SNX29: variants seen among roughly 807,000 people sequenced by gnomAD.
SNX29 encodes the protein sorting nexin-29.
A neutral mutation model predicts 102.1 loss-of-function variants in SNX29; 78 were observed. The observed-to-expected ratio is 0.76, with a 90% CI of 0.64 to 0.92. SNX29 has a LOEUF of 0.92. Among genes scored for constraint, SNX29 ranks in the 40% least tolerant of loss-of-function variants. The pLI is 0.00. For synonymous variants in SNX29, 580 were observed against 414.5 expected, an observed-to-expected ratio of 1.40 and a Z score of -4.85; for missense variants, 1,280 against 1,061.7, an observed-to-expected ratio of 1.21 and a Z score of -2.86.
At chr16:12,414,368 A>G (rs80145199) in intron 18 of SNX29, among the ~76,000 whole-genome samples, 3,107 of 152,266 alleles carry the variant, frequency 0.02, 112 homozygotes, top group African/African-American at 0.071. Flanking sequence ...CAAGACCTCA[A>G]CTCTAAAAGT....
chr16:12,327,435 G>C (rs1183910136), intron 15 of SNX29, among the ~76,000 whole-genome samples: 1 of 151,972 alleles, frequency 6.6e-6, no homozygotes, highest in Non-Finnish European at 1.5e-5. Flanking sequence ...TGTCGGCAGG[G>C]TTGTTTTCTG....
intron 19 of SNX29, among the ~76,000 whole-genome samples, chr16:12,517,031 C>G (rs998416711): frequency 1.3e-5 from 2 of 152,170 alleles, no homozygotes; most frequent in Non-Finnish European, 2.9e-5. Context: ...AAAATTGTCT[C>G]GAGTGTTCTT....
chr16:12,557,015 A>ACACCG (rs66825746), intron 20 of SNX29, among the ~76,000 whole-genome samples: 1 of 31,812 alleles, frequency 3.1e-5, no homozygotes, highest in South Asian at 1.1e-3. Context: ...TGGCTAATTT[A>ACACCG]CCCCCCCCCC....
chr16:12,540,906 A>G (rs774010532), intron 20 of SNX29, among the ~76,000 whole-genome samples: 1 of 152,178 alleles, frequency 6.6e-6, no homozygotes, highest in African/African-American at 2.4e-5. Context: ...GGCTTCTCTG[A>G]CAGCCCTGTC....
chr16:12,510,108 T>C (rs1240229463), intron 19 of SNX29, among the ~76,000 whole-genome samples: 2 of 152,244 alleles, frequency 1.3e-5, no homozygotes, highest in African/African-American at 2.4e-5. Context: ...ATTCTGTTTT[T>C]GGAGTGTGCA....
intron 18 of SNX29, among the ~76,000 whole-genome samples, chr16:12,433,211 C>T (rs969800246): frequency 6.6e-6 from 1 of 152,168 alleles, no homozygotes; most frequent in Non-Finnish European, 1.5e-5. Context: ...GCTTTTGTCA[C>T]CTTGAAAACA....
intron 16 of SNX29, chr16:12,374,233 A>C (rs1191334874): frequency 6.6e-6 from 1 of 152,260 alleles, no homozygotes; most frequent in Non-Finnish European, 1.5e-5. Flanking sequence ...TGACCTAGGC[A>C]TCAGGGATGC....
chr16:12,221,918 C>T (rs137999495), intron 14 of SNX29, among the ~76,000 whole-genome samples: 58 of 152,284 alleles, frequency 3.8e-4, no homozygotes, highest in African/African-American at 1.1e-3. Context: ...TGTCACTGAC[C>T]GTACCATCTC....
intron 13 of SNX29, among the ~76,000 whole-genome samples, chr16:12,156,006 C>A (rs1303917092): frequency 6.6e-6 from 1 of 152,214 alleles, no homozygotes; most frequent in East Asian, 1.9e-4. Context: ...TCCTCCGACT[C>A]CTCCTCGTGT....
intron 19 of SNX29, among the ~76,000 whole-genome samples, chr16:12,506,300 G>C (rs955523591): frequency 6.6e-6 from 1 of 152,104 alleles, no homozygotes; most frequent in African/African-American, 2.4e-5. Context: ...TATCCAGGGG[G>C]ACAACACCCT....
intron 15 of SNX29, among the ~76,000 whole-genome samples, chr16:12,290,704 G>A (rs968814543): frequency 6.6e-6 from 1 of 152,202 alleles, no homozygotes; most frequent in Admixed American, 6.5e-5. Flanking sequence ...GCATTTCCTA[G>A]TCTCCTTTAT....
Position 12,571,828 on chromosome 16 carries a change from A to G in SNX29, c.*3199A>G. ...TGAAATTCCAGCTTCTTTGATTCCC[A>G]CTTAGCAGTATGCTCCAATCACGTT... is the stretch of plus-strand genomic sequence containing the variant. On this transcript the variant is annotated 3_prime_UTR_variant, in exon 21 of 21. Coordinates refer to ENST00000566228, the MANE Select transcript of SNX29 (RefSeq NM_032167.5). 9.6e-7 allele frequency: 1 copy of G among 1,043,826 alleles called. No individual in the cohort carries two copies. Among genetic ancestry groups the G allele is most frequent in the South Asian group, 4.6e-5 (1 of 21,562 alleles). The allele number at this position is 1,043,826 out of a possible 1,614,324, so 64.7% of individuals were successfully genotyped here.
At chr16:12,176,325 G>A (rs2076259568) in intron 13 of SNX29, among the ~76,000 whole-genome samples, 1 of 152,214 alleles carries the variant, frequency 6.6e-6, no homozygotes, top group Admixed American at 6.5e-5. Flanking sequence ...CTGCTGCTTA[G>A]CAGCTTGAGT....
chr16:12,535,771 G>A (rs2077058813), intron 20 of SNX29, among the ~76,000 whole-genome samples: 1 of 151,874 alleles, frequency 6.6e-6, no homozygotes, highest in African/African-American at 2.4e-5. Flanking sequence ...GTCTCCTCTG[G>A]AGGTCCTCAG....
intron 13 of SNX29, among the ~76,000 whole-genome samples, chr16:12,168,496 C>A (rs1202257074): frequency 6.6e-6 from 1 of 152,172 alleles, no homozygotes; most frequent in Non-Finnish European, 1.5e-5. Flanking sequence ...TTCCTCTGCT[C>A]CTAGGTCCCC....
chr16:12,064,177 G>A (rs774048950), intron 9 of SNX29, among the ~76,000 whole-genome samples: 4 of 152,132 alleles, frequency 2.6e-5, no homozygotes, highest in Non-Finnish European at 2.9e-5. Context: ...CTCCTTTGCC[G>A]CTTAGCTGGG....
At chr16:12,216,059 G>A (rs536097288) in intron 14 of SNX29, among the ~76,000 whole-genome samples, 1 of 152,312 alleles carries the variant, frequency 6.6e-6, no homozygotes, top group Middle Eastern at 3.4e-3. Context: ...GGAGCTCATC[G>A]TGGCTTGCCT....
chr16:12,477,995 A>C, intron 19 of SNX29, 136 bp downstream of exon 19: 1 of 1,031,926 alleles, frequency 9.7e-7, no homozygotes, highest in South Asian at 1.9e-5. Context: ...AAAATAGAGA[A>C]AAGAAATAGC....
chr16:12,359,022 A>G (rs1220865737), intron 16 of SNX29, among the ~76,000 whole-genome samples: 1 of 152,252 alleles, frequency 6.6e-6, no homozygotes, highest in Non-Finnish European at 1.5e-5. Flanking sequence ...AATGGAACCC[A>G]AGAAGGGGGT....
Sources: allele counts gnomAD v4.1 joint callset (sites outside exome capture counted in the v4.1 genomes callset), GRCh38; gene constraint gnomAD v4.1.1; transcripts MANE v1.5; gene names NCBI Gene and HGNC (gene_info 2026-07-23, HGNC 2026-07-21).